The following EPRS1 variants were observed in gnomAD, a reference collection of about 807,000 sequenced individuals.
EPRS1 encodes glutamyl-prolyl-tRNA synthetase 1, also known as bifunctional glutamate/proline--tRNA ligase.
A neutral mutation model predicts 188.3 loss-of-function variants in EPRS1; 107 were observed. The ratio of observed to expected loss-of-function variants is 0.57; its 90% confidence interval spans 0.49 to 0.67. The LOEUF (loss-of-function observed/expected upper bound fraction) is 0.67. EPRS1 is among the 30% of genes least tolerant of loss of function. The probability of loss-of-function intolerance (pLI) is 0.00; values close to 1 mark genes in which losing one functional copy is unlikely to be tolerated. For synonymous variants in EPRS1, 596 were observed against 593.1 expected (o/e 1.00, Z -0.07); for missense variants, 1,577 against 1,802.2 (o/e 0.88, Z 2.26).
intron 30 of EPRS1, among the ~76,000 whole-genome samples, chr1:219,971,174 C>T (rs1223537462): frequency 6.6e-6 from 1 of 152,096 alleles, no homozygotes; most frequent in Non-Finnish European, 1.5e-5. Context: ...CCATGGTTTT[C>T]TCACTTGTAA....
intron 13 of EPRS1, among the ~76,000 whole-genome samples, chr1:220,010,121 C>A (rs1005584527): frequency 1.7e-4 from 24 of 138,210 alleles, no homozygotes; most frequent in Non-Finnish European, 2.2e-4. Context: ...AAATTCTATT[C>A]AGAATTTAGA....
At position 219,968,729 on chromosome 1, in the gene EPRS1, G is replaced by T; in HGVS notation, c.*77C>A. ...TTTACTTTTTAAAAAATCATAAAAC[G>T]GTCTGTATCTGAGAAGATACTAATA... is the stretch of plus-strand genomic sequence containing the variant. On this transcript the variant is annotated 3_prime_UTR_variant, in exon 32 of 32. Transcript: ENST00000366923. 7.4e-7 allele frequency: 1 copy of T among 1,344,202 alleles called. No individual in the cohort carries two copies. Among genetic ancestry groups the T allele is most frequent in the Non-Finnish European group, 1.0e-6 (1 of 955,944 alleles). 83.3% of individuals were successfully genotyped at this position (1,344,202 alleles called of 1,614,324 possible).
At chr1:220,016,489 C>A (rs555275332) in intron 12 of EPRS1, among the ~76,000 whole-genome samples, 2 of 150,624 alleles carry the variant, frequency 1.3e-5, no homozygotes, top group Non-Finnish European at 1.5e-5. Context: ...GGACTCACTG[C>A]GGCCTTGACC....
chr1:220,042,924 A>C (rs1176796877), intron 1 of EPRS1, among the ~76,000 whole-genome samples: 1 of 149,454 alleles, frequency 6.7e-6, no homozygotes, highest in African/African-American at 2.4e-5. Context: ...CATCTCAAAA[A>C]ACAAACAAAC....
In EPRS1 at chr1:219,986,951, T is replaced by C. The variant is rs116423596; in HGVS notation, c.3038+191A>G. On this transcript the variant is annotated intron_variant, in intron 20 of 31. Coordinates refer to ENST00000366923, the MANE Select transcript of EPRS1 (RefSeq NM_004446.3). The stretch of plus-strand genomic sequence containing the variant: ...GGAACTTCTTACATTCTGAGATTCT[T>C]GAACCAAACAAACGTGTTACCTATT... 4.1e-3 allele frequency among the ~76,000 whole-genome samples: 621 copies of C among 152,318 alleles called. 5 individuals carry two copies. Among genetic ancestry groups the C allele is most frequent in the African/African-American group, 0.014 (582 of 41,576 alleles).
intron 3 of EPRS1, among the ~76,000 whole-genome samples, chr1:220,033,864 T>G (rs1357418441): frequency 1.4e-5 from 2 of 141,536 alleles, no homozygotes; most frequent in Non-Finnish European, 3.0e-5. Flanking sequence ...CACATTTATT[T>G]TGCTATGCTT....
intron 1 of EPRS1, among the ~76,000 whole-genome samples, chr1:220,043,710 A>C (rs765156451): frequency 4.6e-5 from 7 of 152,212 alleles, no homozygotes; most frequent in Non-Finnish European, 8.8e-5. Context: ...GCCTGAATCT[A>C]GACACCAGGA....
chr1:219,989,231 T>C (rs1411457156), intron 18 of EPRS1, among the ~76,000 whole-genome samples: 2 of 151,458 alleles, frequency 1.3e-5, no homozygotes, highest in Non-Finnish European at 2.9e-5. Context: ...AAATACAACT[T>C]TGGGGAAAAA....
chr1:220,006,369 C>A (rs41274788), intron 14 of EPRS1, 56 bp from the exon 15 acceptor site: 9,131 of 616,188 alleles, frequency 0.015, 156 homozygotes, highest in East Asian at 0.059. Flanking sequence ...GCCATAAATT[C>A]ATTATTTTGT....
chr1:219,978,301 C>T (rs139905741), intron 28 of EPRS1, among the ~76,000 whole-genome samples: 41 of 152,206 alleles, frequency 2.7e-4, no homozygotes, highest in African/African-American at 9.2e-4. Flanking sequence ...AACAAGCGCT[C>T]GAGATCGTTT....
intron 13 of EPRS1, among the ~76,000 whole-genome samples, chr1:220,008,792 G>C (rs1661545699): frequency 6.6e-6 from 1 of 152,162 alleles, no homozygotes; most frequent in Non-Finnish European, 1.5e-5. Context: ...CTGAGCTCAA[G>C]TGATCCACCT....
chr1:220,010,594 G>A (rs1038335526), intron 13 of EPRS1, among the ~76,000 whole-genome samples: 1 of 152,004 alleles, frequency 6.6e-6, no homozygotes, highest in Non-Finnish European at 1.5e-5. Context: ...GGCAGATCAC[G>A]AGGTCAGGAG....
intron 6 of EPRS1, among the ~76,000 whole-genome samples, chr1:220,025,671 A>G (rs1269071508): frequency 6.6e-6 from 1 of 152,198 alleles, no homozygotes. Flanking sequence ...GTGCCCACCT[A>G]TGCCACTGGA....
chr1:219,980,721 G>T, intron 25 of EPRS1, 35 bp downstream of exon 25: 1 of 1,440,404 alleles, frequency 6.9e-7, no homozygotes, highest in South Asian at 1.2e-5. Context: ...CAAAAATAAT[G>T]GAACATAGTT....
intron 2 of EPRS1, among the ~76,000 whole-genome samples, chr1:220,039,520 A>ATT (rs11414713): frequency 0.016 from 2,149 of 138,642 alleles, 85 homozygotes; most frequent in African/African-American, 0.053. Flanking sequence ...TTTAATGCTG[A>ATT]TTTTTTTTTT....
intron 20 of EPRS1, among the ~76,000 whole-genome samples, chr1:219,984,463 G>C (rs372686790): frequency 6.6e-6 from 1 of 152,158 alleles, no homozygotes; most frequent in East Asian, 1.9e-4. Context: ...CTGTCACCCA[G>C]GCTGGAGCGC....
At chr1:219,992,757 T>C (rs1440232104) in intron 18 of EPRS1, among the ~76,000 whole-genome samples, 1 of 152,076 alleles carries the variant, frequency 6.6e-6, no homozygotes, top group East Asian at 1.9e-4. Flanking sequence ...ACCCTGTCTC[T>C]ACTAAAAACA....
In EPRS1 at chr1:219,980,122, A is replaced by G. The variant is rs1660866969; in HGVS notation, c.3674T>C (p.Ile1225Thr). The G allele has an allele frequency of 1.2e-6, 2 of 1,613,746 alleles. No homozygotes were observed. Among genetic ancestry groups the G allele is most frequent in the South Asian group, 1.1e-5 (1 of 91,070 alleles). ...KFAGGDYTTT[I>T]EAFISASGRA... is the part of the protein sequence containing the mutation. The stretch of plus-strand genomic sequence containing the variant: ...TCCACTAGCAGATATAAATGCTTCT[A>G]TTGTAGTTGTATAGTCTCCTCCTGC... The change falls in exon 26 of 32, where the codon ATA becomes ACA. Residue 1225 changes from isoleucine (I) to threonine (T), a missense_variant. Transcript: ENST00000366923.
Position 220,001,209 on chromosome 1 carries a change from C to T in EPRS1, c.2110G>A (p.Asp704Asn). ...EAPCVLIYIPDGHTKEMPTSG... is the reference protein window; with the variant it reads ...EAPCVLIYIPNGHTKEMPTSG... ...GTTGGCATTTCCTTTGTGTGCCCAT[C>T]AGGAATGTATATCAAAACACACGGG... Residue 704 changes from aspartate to asparagine, a missense_variant, in exon 17 of 32, where the codon GAT becomes AAT. Asp to Asn is a conservative substitution (Grantham distance 23, BLOSUM62 1). Coordinates refer to ENST00000366923, the MANE Select transcript of EPRS1 (RefSeq NM_004446.3). 1 of 1,613,898 alleles carries T rather than the reference C, an allele frequency of 6.2e-7. No homozygotes were observed. The highest frequency in any genetic ancestry group is 8.5e-7 in the Non-Finnish European group (1 of 1,179,884).
Sources: gnomAD v4.1 joint callset for allele counts (sites outside exome capture counted in the v4.1 genomes callset) on GRCh38, gnomAD v4.1.1 for gene constraint, MANE v1.5 for transcripts, NCBI Gene and HGNC (gene_info 2026-07-23, HGNC 2026-07-21) for gene names.